Variants in MTUS2 observed in about 807,000 individuals in gnomAD.
MTUS2 encodes the protein microtubule associated scaffold protein 2.
A neutral mutation model predicts 114.1 loss-of-function variants in MTUS2; 40 were observed. The ratio of observed to expected loss-of-function variants is 0.35; its 90% CI spans 0.27 to 0.46. The LOEUF (loss-of-function observed/expected upper bound fraction) is 0.46, where lower values mean the gene tolerates loss of function less well. Among genes scored for constraint, MTUS2 ranks in the 20% least tolerant of loss-of-function variants. The pLI is 1.00. For synonymous variants in MTUS2, 688 were observed against 672.0 expected (o/e 1.02, Z -0.37); for missense variants, 1,679 against 1,705.4 (o/e 0.98, Z 0.27).
intron 2 of MTUS2, among the ~76,000 whole-genome samples, chr13:28,928,038 G>T (rs1170358438): frequency 6.6e-6 from 1 of 152,076 alleles, no homozygotes; most frequent in Non-Finnish European, 1.5e-5. Flanking sequence ...GGGAAAACTA[G>T]ATATCCATAC....
At chr13:29,168,317 T>A (rs1038457084) in intron 5 of MTUS2, among the ~76,000 whole-genome samples, 9 of 152,194 alleles carry the variant, frequency 5.9e-5, no homozygotes, top group Non-Finnish European at 1.3e-4. Flanking sequence ...AAAAGCACCT[T>A]GTTCCATAGC....
chr13:29,414,362 A>G (rs1206994806), intron 8 of MTUS2, among the ~76,000 whole-genome samples: 2 of 114,184 alleles, frequency 1.8e-5, no homozygotes, highest in Non-Finnish European at 3.6e-5. Flanking sequence ...GCTAGATGAC[A>G]CGTTAGTGGG....
intron 4 of MTUS2, among the ~76,000 whole-genome samples, chr13:29,092,707 G>A (rs1204198476): frequency 6.6e-6 from 1 of 151,938 alleles, no homozygotes; most frequent in Non-Finnish European, 1.5e-5. Context: ...CAGGCCCAGG[G>A]CCAAGTGAGG....
At chr13:29,004,143 G>A (rs1041700699) in intron 2 of MTUS2, among the ~76,000 whole-genome samples, 1 of 152,200 alleles carries the variant, frequency 6.6e-6, no homozygotes, top group African/African-American at 2.4e-5. Context: ...ATTCTACAAT[G>A]TGGCTTTGAC....
chr13:29,314,749 C>T (rs964136140), intron 6 of MTUS2, among the ~76,000 whole-genome samples: 1 of 152,114 alleles, frequency 6.6e-6, no homozygotes, highest in Non-Finnish European at 1.5e-5. Flanking sequence ...AATGACCTTT[C>T]AGAAAGGTAT....
chr13:29,132,818 G>A (rs565445340), intron 5 of MTUS2, among the ~76,000 whole-genome samples: 2 of 152,246 alleles, frequency 1.3e-5, no homozygotes, highest in South Asian at 4.2e-4. Flanking sequence ...GAACCTGGGG[G>A]TACAAATATA....
chr13:29,205,607 T>C (rs1002537261), intron 5 of MTUS2, among the ~76,000 whole-genome samples: 6 of 152,372 alleles, frequency 3.9e-5, no homozygotes, highest in East Asian at 1.9e-4. Flanking sequence ...ATCATTCTTA[T>C]GCCTTTGCAT....
intron 2 of MTUS2, among the ~76,000 whole-genome samples, chr13:28,905,625 G>A (rs895671414): frequency 6.6e-6 from 1 of 151,546 alleles, no homozygotes; most frequent in African/African-American, 2.4e-5. Context: ...TGGTGGATAA[G>A]CTTTTTGATG....
intron 5 of MTUS2, among the ~76,000 whole-genome samples, chr13:29,216,710 A>G (rs1243145656): frequency 1.3e-5 from 2 of 152,200 alleles, no homozygotes; most frequent in African/African-American, 2.4e-5. Flanking sequence ...ACCAGTCCCA[A>G]TGTGATGAAC....
chr13:29,181,983 T>C (rs756013450), intron 5 of MTUS2, among the ~76,000 whole-genome samples: 13 of 152,224 alleles, frequency 8.5e-5, no homozygotes, highest in Admixed American at 2.6e-4. Context: ...AGAAGAATTA[T>C]AGGATTTACT....
chr13:28,972,983 C>A (rs1416078665), intron 2 of MTUS2, among the ~76,000 whole-genome samples: 9 of 151,930 alleles, frequency 5.9e-5, no homozygotes, highest in Non-Finnish European at 2.9e-5. Flanking sequence ...ATGATTTTAT[C>A]CTCTTATTAT....
chr13:29,441,819 G>T (rs568998977), intron 9 of MTUS2, among the ~76,000 whole-genome samples: 1 of 152,086 alleles, frequency 6.6e-6, no homozygotes, highest in African/African-American at 2.4e-5. Flanking sequence ...CATCCTCCTC[G>T]ATGACTCCCA....
chr13:28,863,579 C>A (rs1404794242), intron 2 of MTUS2, among the ~76,000 whole-genome samples: 1 of 152,108 alleles, frequency 6.6e-6, no homozygotes, highest in African/African-American at 2.4e-5. Context: ...GGAGGCTTAC[C>A]AGTGAGGAAA....
intron 8 of MTUS2, among the ~76,000 whole-genome samples, chr13:29,368,640 C>CA (rs61309737): frequency 0.2 from 30,775 of 151,976 alleles, 3,232 homozygotes; most frequent in Middle Eastern, 0.24. Flanking sequence ...AAAAATAATT[C>CA]AAAAAAATAA....
intron 5 of MTUS2, among the ~76,000 whole-genome samples, chr13:29,201,410 A>G (rs1894952900): frequency 6.6e-6 from 1 of 151,670 alleles, no homozygotes; most frequent in Non-Finnish European, 1.5e-5. Flanking sequence ...GTGTCTTTGC[A>G]CACAAGATGG....
chr13:28,920,291 A>C lies in MTUS2; in HGVS notation c.-243+80441A>C, dbSNP rs1472066933. 2.0e-5 allele frequency among the ~76,000 whole-genome samples: 3 copies of C among 152,170 alleles called. No homozygotes were observed. The East Asian group carries it at 5.8e-4, about 29-fold the overall frequency. ...TCAAAAGGACTTGGGCCTCAAACCC[A>C]ATAACACTGTGGTTCTTGCAGACAC... On this transcript the variant is annotated intron_variant, in intron 2 of 15. Coordinates refer to ENST00000612955, the MANE Select transcript of MTUS2 (RefSeq NM_001033602.4).
At chr13:29,004,306 T>TA (rs1002603963) in intron 2 of MTUS2, among the ~76,000 whole-genome samples, 1 of 152,190 alleles carries the variant, frequency 6.6e-6, no homozygotes, top group Non-Finnish European at 1.5e-5. Flanking sequence ...TATTCTCATT[T>TA]AAAAAAATGC....
At position 29,480,046 on chromosome 13, in the gene MTUS2, C is replaced by T; in HGVS notation, c.3185-104C>T. The T allele has an allele frequency of 8.5e-7, 1 of 1,174,666 alleles. No individual in the cohort carries two copies. Among genetic ancestry groups the T allele is most frequent in the Non-Finnish European group, 1.2e-6 (1 of 827,138 alleles). The allele number at this position is 1,174,666 out of a possible 1,614,324, so 72.8% of individuals were successfully genotyped here. On this transcript the variant is annotated intron_variant, in intron 9 of 15. Coordinates refer to ENST00000612955, the MANE Select transcript of MTUS2 (RefSeq NM_001033602.4). This position sits in a 1 kb window ranked among gnomAD's most constrained non-coding sequence, Gnocchi z 4.4. ...GCCCTGCAGAAGTCAGAGGACCTCG[C>T]CCTGTTTATTACGCCAGCCTTGATG...
intron 5 of MTUS2, among the ~76,000 whole-genome samples, chr13:29,191,844 A>G (rs947968134): frequency 1.3e-5 from 2 of 152,226 alleles, no homozygotes; most frequent in Middle Eastern, 3.2e-3. Context: ...AAATTACACA[A>G]TCATCAATTT....
Sources: gnomAD v4.1 joint callset for allele counts (sites outside exome capture counted in the v4.1 genomes callset) on GRCh38, gnomAD v4.1.1 for gene constraint, Gnocchi (gnomAD v3.1) non-coding constraint, MANE v1.5 for transcripts, NCBI Gene and HGNC (gene_info 2026-07-23, HGNC 2026-07-21) for gene names.